The following ERMP1 variants were observed in gnomAD, a reference collection of about 807,000 sequenced individuals.
ERMP1 encodes the protein endoplasmic reticulum metallopeptidase 1.
In ERMP1, 86 loss-of-function variants were observed where a neutral mutation model predicts 92.0. The ratio of observed to expected loss-of-function variants is 0.93; its 90% CI spans 0.79 to 1.12. The LOEUF is 1.12. Ranked by LOEUF, ERMP1 falls within the 50% of genes most tolerant of loss-of-function variation. ERMP1 has a pLI of 0.00. For missense variants in ERMP1, 1,342 were observed against 1,116.3 expected, an observed-to-expected ratio of 1.20 and a Z score of -2.88; for synonymous variants, 530 against 412.8, an observed-to-expected ratio of 1.28 and a Z score of -3.44.
intron 5 of ERMP1, among the ~76,000 whole-genome samples, chr9:5,864,330 G>C (rs1230343379): frequency 1.3e-5 from 2 of 152,098 alleles, no homozygotes; most frequent in African/African-American, 4.8e-5. Flanking sequence ...GGCCAACCTG[G>C]AGAAACATCA....
chr9:5,822,455 T>C (rs530270931), intron 4 of ERMP1, among the ~76,000 whole-genome samples: 3 of 152,266 alleles, frequency 2.0e-5, no homozygotes, highest in African/African-American at 4.8e-5. Context: ...AAAATATACA[T>C]ACATTTTGAA....
chr9:5,811,365 G>A, intron 6 of ERMP1, 42 bp from the exon 7 acceptor site: 2 of 1,465,674 alleles, frequency 1.4e-6, no homozygotes, highest in South Asian at 1.2e-5. Context: ...AAAGGAAAAA[G>A]ATAAAAAGGC....
intron 4 of ERMP1, among the ~76,000 whole-genome samples, chr9:5,822,917 C>A (rs1313742544): frequency 6.6e-6 from 1 of 152,142 alleles, no homozygotes; most frequent in Non-Finnish European, 1.5e-5. Flanking sequence ...ACATGCTTAG[C>A]GTTCCAATAA....
chr9:5,861,326 G>T (rs1409087107), intron 5 of ERMP1, among the ~76,000 whole-genome samples: 1 of 151,222 alleles, frequency 6.6e-6, no homozygotes, highest in East Asian at 1.9e-4. Flanking sequence ...CTGAATTTGG[G>T]TGAAAAAAAA....
At chr9:5,830,701 C>T in intron 2 of ERMP1, 26 bp downstream of exon 2, 1 of 1,572,098 alleles carries the variant, frequency 6.4e-7, no homozygotes, top group East Asian at 2.3e-5. Context: ...TGACAAGTTC[C>T]AAATGACTAA....
At chr9:5,858,442 T>A (rs1830411573) in intron 6 of ERMP1, among the ~76,000 whole-genome samples, 1 of 152,186 alleles carries the variant, frequency 6.6e-6, no homozygotes, top group African/African-American at 2.4e-5. Context: ...CCAGAGCTCC[T>A]GGCTCACTGT....
chr9:5,811,264 A>C lies in ERMP1; in HGVS notation c.1174T>G (p.Ser392Ala), dbSNP rs1286432829. Residue 392 changes from serine to alanine, a missense_variant, in exon 7 of 15, where the codon TCT becomes GCT. Physicochemically the swap from Ser to Ala is moderately conservative, Grantham distance 99. Coordinates refer to ENST00000339450, the MANE Select transcript of ERMP1 (RefSeq NM_024896.3). ...ACCATGTTTCCATGTCGATACTTAG[A>C]AGCAGCAGCCAGCATATCAGATGTA... is the stretch of plus-strand genomic sequence containing the variant. ...LATSDMLAAA[S>A]KYRHGNMVFF... 1.9e-6 allele frequency: 3 copies of C among 1,613,936 alleles called. No homozygotes were observed.
intron 4 of ERMP1, among the ~76,000 whole-genome samples, chr9:5,823,034 C>T (rs969841723): frequency 6.6e-6 from 1 of 152,142 alleles, no homozygotes; most frequent in Non-Finnish European, 1.5e-5. Flanking sequence ...CTTGTAATCC[C>T]AGCACTTTGG....
At chr9:5,843,352 T>A (rs1387398827) in intron 6 of ERMP1, among the ~76,000 whole-genome samples, 3 of 152,182 alleles carry the variant, frequency 2.0e-5, no homozygotes, top group African/African-American at 4.8e-5. Flanking sequence ...GGAAACAAAT[T>A]TAAAAAGAGA....
intron 4 of ERMP1, among the ~76,000 whole-genome samples, chr9:5,813,506 T>G (rs1259560304): frequency 6.6e-6 from 1 of 152,194 alleles, no homozygotes; most frequent in Non-Finnish European, 1.5e-5. Flanking sequence ...TTTTGGATTT[T>G]TTACTTTTTC....
intron 8 of ERMP1, among the ~76,000 whole-genome samples, 195 bp downstream of exon 8, chr9:5,809,816 C>T (rs1829021747): frequency 1.3e-5 from 2 of 152,192 alleles, no homozygotes; most frequent in African/African-American, 4.8e-5. Context: ...GCTTTATAAC[C>T]TCATTTGAAT....
At chr9:5,810,588 T>A (rs1829054407) in intron 7 of ERMP1, among the ~76,000 whole-genome samples, 1 of 152,188 alleles carries the variant, frequency 6.6e-6, no homozygotes, top group Non-Finnish European at 1.5e-5. Context: ...AAGTTCCATA[T>A]AAAATGTTGT....
At chr9:5,802,788 T>C (rs1828720496) in intron 10 of ERMP1, among the ~76,000 whole-genome samples, 1 of 152,142 alleles carries the variant, frequency 6.6e-6, no homozygotes, top group East Asian at 1.9e-4. Flanking sequence ...CTGATACAAG[T>C]GGGGTCAGGA....
rs1411260541 is a variant in ERMP1 at position 5,805,226 on chromosome 9, A to T, written c.1724-9T>A. On this transcript the variant is annotated splice_polypyrimidine_tract_variant and intron_variant, in intron 9 of 14. Transcript: ENST00000339450. ...AAATTTTCCTTGGGCACCTAGGGAAAAAGAGAAAAAAAGCACACATCTATG... is the reference window on the plus strand; with the variant it reads ...AAATTTTCCTTGGGCACCTAGGGAATAAGAGAAAAAAAGCACACATCTATG... 1 of 1,591,402 alleles carries T rather than the reference A, an allele frequency of 6.3e-7. No homozygotes were observed. The highest frequency in any genetic ancestry group is 8.6e-7 in the Non-Finnish European group (1 of 1,166,916).
chr9:5,804,516 G>T (rs1239507642), intron 10 of ERMP1, among the ~76,000 whole-genome samples: 1 of 152,146 alleles, frequency 6.6e-6, no homozygotes, highest in Non-Finnish European at 1.5e-5. Context: ...GCACGTTTGG[G>T]TGTCATAACA....
intron 6 of ERMP1, among the ~76,000 whole-genome samples, chr9:5,857,387 C>A (rs916836043): frequency 6.6e-6 from 1 of 152,144 alleles, no homozygotes; most frequent in Non-Finnish European, 1.5e-5. Flanking sequence ...TTTGCCTCGG[C>A]TGGGCACGTG....
chr9:5,794,539 C>T lies in ERMP1; in HGVS notation c.2386+3278G>A, dbSNP rs187965994. ...AGAAAAAAAGAAAAGATGTAAATTA[C>T]TAATATGAGAAATGAAAGAGGGGAC... On this transcript the variant is annotated intron_variant, in intron 13 of 14. Transcript: ENST00000339450. Among the ~76,000 whole-genome samples the T allele has an allele frequency of 9.9e-5, 15 of 151,924 alleles. No homozygotes were observed. The East Asian group carries it at 2.5e-3, about 25-fold the overall frequency.
chr9:5,831,686 T>C (rs1479881722), intron 1 of ERMP1, among the ~76,000 whole-genome samples: 1 of 152,188 alleles, frequency 6.6e-6, no homozygotes, highest in Admixed American at 6.5e-5. Flanking sequence ...TTACAGATTC[T>C]GGGTTAATGA....
At chr9:5,829,539 G>A (rs570882880) in intron 2 of ERMP1, among the ~76,000 whole-genome samples, 32 of 152,210 alleles carry the variant, frequency 2.1e-4, no homozygotes, top group South Asian at 1.0e-3. Flanking sequence ...CTATTTTAGC[G>A]TTTTACTTAT....
Sources: gnomAD v4.1 joint callset for allele counts (sites outside exome capture counted in the v4.1 genomes callset) on GRCh38, gnomAD v4.1.1 for gene constraint, MANE v1.5 for transcripts, NCBI Gene and HGNC (gene_info 2026-07-23, HGNC 2026-07-21) for gene names.